EMSY: variants seen among roughly 807,000 people sequenced by gnomAD.
EMSY encodes EMSY transcriptional repressor, BRCA2 interacting.
A neutral mutation model predicts 134.6 loss-of-function variants in EMSY; 26 were observed. The ratio of observed to expected loss-of-function variants is 0.19; its 90% confidence interval spans 0.14 to 0.27. The LOEUF (loss-of-function observed/expected upper bound fraction) is 0.27, where lower values mean the gene tolerates loss of function less well. Ranked by LOEUF, EMSY falls within the 10% of genes least tolerant of loss-of-function variation. The probability of loss-of-function intolerance (pLI) is 1.00; values close to 1 mark genes in which losing one functional copy is unlikely to be tolerated. For missense variants in EMSY, 1,305 were observed against 1,611.4 expected, an observed-to-expected ratio of 0.81 and a Z score of 3.26; for synonymous variants, 579 against 577.8, an observed-to-expected ratio of 1.00 and a Z score of -0.03.
intron 8 of EMSY, among the ~76,000 whole-genome samples, chr11:76,494,035 C>T (rs750461071): frequency 2.0e-5 from 3 of 152,266 alleles, no homozygotes; most frequent in South Asian, 4.1e-4. Flanking sequence ...CGTTCAGATG[C>T]GGATGCCCGC....
At chr11:76,455,021 G>A (rs1009434713) in intron 4 of EMSY, among the ~76,000 whole-genome samples, 2 of 152,050 alleles carry the variant, frequency 1.3e-5, no homozygotes, top group African/African-American at 2.4e-5. Context: ...ATTTTAATTA[G>A]TCATTTTACT....
In EMSY at chr11:76,445,646, C is replaced by G. The variant is rs1018377601; in HGVS notation, c.-40+518C>G. On this transcript the variant is annotated intron_variant, in intron 1 of 20. Transcript: ENST00000334736. ...ACAAGATCCTGGTTCCCCGAGCGGG[C>G]TCCGGAAACTACTGCCCGGGTTTCC... Among the ~76,000 whole-genome samples the G allele has an allele frequency of 7.4e-4, 113 of 152,286 alleles. 1 individual carries two copies. The highest frequency in any genetic ancestry group is 2.6e-3 in the African/African-American group (109 of 41,562).
intron 10 of EMSY, among the ~76,000 whole-genome samples, chr11:76,514,089 A>G (rs1950367601): frequency 6.6e-6 from 1 of 152,188 alleles, no homozygotes; most frequent in Non-Finnish European, 1.5e-5. Context: ...CATTTTGGAT[A>G]GTAACACTAT....
chr11:76,453,779 AC>A (rs1947762538), intron 4 of EMSY: 2 of 153,332 alleles, frequency 1.3e-5, no homozygotes, highest in Admixed American at 1.3e-4. Flanking sequence ...AGGCGTTGTA[AC>A]TTTTTTGATA....
intron 14 of EMSY, among the ~76,000 whole-genome samples, chr11:76,530,155 GT>G (rs61227279): frequency 1.0e-3 from 116 of 114,340 alleles, no homozygotes; most frequent in South Asian, 2.3e-3. Flanking sequence ...AATCTTTAGG[GT>G]TTTTTTTTTT....
chr11:76,453,213 G>A, intron 3 of EMSY, 101 bp from the exon 4 acceptor site: 1 of 972,338 alleles, frequency 1.0e-6, no homozygotes, highest in Non-Finnish European at 1.6e-6. Context: ...AAGCAATCTT[G>A]TCCCCCTTCT....
chr11:76,486,497 A>T (rs1949189032), intron 8 of EMSY, among the ~76,000 whole-genome samples: 1 of 152,214 alleles, frequency 6.6e-6, no homozygotes, highest in African/African-American at 2.4e-5. Context: ...GATGCCGTAT[A>T]TGCTGTTGCC....
chr11:76,462,018 C>T (rs1205841544), intron 6 of EMSY, among the ~76,000 whole-genome samples: 4 of 152,072 alleles, frequency 2.6e-5, no homozygotes, highest in East Asian at 1.9e-4. Context: ...GAGCAGATCA[C>T]CTGAGGTCAG....
intron 9 of EMSY, among the ~76,000 whole-genome samples, chr11:76,499,308 G>A (rs1949768248): frequency 1.3e-5 from 1 of 76,766 alleles, no homozygotes; most frequent in Non-Finnish European, 2.3e-5. Flanking sequence ...TTTTTTTTGA[G>A]ATGGAGTCTT....
chr11:76,528,509 A>G (rs1266234445), intron 14 of EMSY, 43 bp downstream of exon 15: 2 of 1,436,550 alleles, frequency 1.4e-6, no homozygotes, highest in Admixed American at 1.9e-5. Flanking sequence ...TACTACTGAC[A>G]TAGTGCCCAA....
At chr11:76,496,263 C>G (rs761544856) in exon 9 of EMSY, 3 of 1,614,170 alleles carry the variant, frequency 1.9e-6, no homozygotes, top group Admixed American at 1.7e-5. Flanking sequence ...CTTCCTTCCC[C>G]CAAAAGCTTA....
At chr11:76,451,772 T>C (rs1947680142) in intron 2 of EMSY, 86 bp from the exon 3 acceptor site, 1 of 683,482 alleles carries the variant, frequency 1.5e-6, no homozygotes, top group Non-Finnish European at 2.2e-6. Flanking sequence ...TTATTTTTAG[T>C]TTTTTTGCCC....
chr11:76,512,760 T>G (rs1466067397), intron 9 of EMSY, among the ~76,000 whole-genome samples: 3 of 151,848 alleles, frequency 2.0e-5, no homozygotes, highest in Admixed American at 2.0e-4. Context: ...CCCTAGCACT[T>G]TAGTTTTATT....
intron 9 of EMSY, among the ~76,000 whole-genome samples, chr11:76,503,179 T>TAATC (rs1298135603): frequency 1.3e-5 from 2 of 150,818 alleles, no homozygotes; most frequent in African/African-American, 4.9e-5. Context: ...TACATGGCTG[T>TAATC]AATCCCAGCT....
intron 8 of EMSY, among the ~76,000 whole-genome samples, chr11:76,476,894 A>G (rs1948788077): frequency 6.6e-6 from 1 of 152,102 alleles, no homozygotes; most frequent in African/African-American, 2.4e-5. Flanking sequence ...TGGTGGATAG[A>G]GCTACAGTTC....
intron 15 of EMSY, 91 bp from the exon 17 acceptor site, chr11:76,537,704 C>A: frequency 8.4e-7 from 1 of 1,193,342 alleles, no homozygotes; most frequent in Non-Finnish European, 1.2e-6. Context: ...TGTGGCACCC[C>A]AGAGGTCTGG....
At chr11:76,542,282 A>C (rs376882857) in exon 18 of EMSY, 3 of 1,614,200 alleles carry the variant, frequency 1.9e-6, no homozygotes, top group Non-Finnish European at 2.5e-6. Flanking sequence ...CATGTGGCTC[A>C]GTCACAGACC....
chr11:76,502,530 T>TA lies in EMSY; in HGVS notation c.1363+6070dup, dbSNP rs199726574. On this transcript the variant is annotated intron_variant, in intron 9 of 20. Coordinates refer to ENST00000334736, the Ensembl canonical transcript of EMSY. The stretch of plus-strand genomic sequence containing the variant: ...CAGATCACATGATCCTTTATATTAT[T>TA]AAAAAAAAACAAAAAACAAAAAAAA... Among the ~76,000 whole-genome samples, 753 of 143,026 alleles carry TA rather than the reference T, an allele frequency of 5.3e-3. 13 individuals are homozygous for TA. The East Asian group carries it at 0.059, about 11-fold the overall frequency. The allele number at this position is 143,026 out of a possible 152,430, so 93.8% of individuals were successfully genotyped here.
rs1161363781 is a variant in EMSY, at chr11:76,544,316, G to A, written c.2767G>A (p.Gly923Ser). The A allele has an allele frequency of 5.6e-6, 9 of 1,613,998 alleles. No individual in the cohort carries two copies. In the Admixed American group the frequency reaches 1.2e-4, roughly 21 times the overall value. The change falls in exon 19 of 21, where the codon GGC (glycine) becomes AGC (serine). Residue 923 changes from glycine (G) to serine (S), a missense_variant. Physicochemically the swap from Gly to Ser is moderately conservative, Grantham distance 56 (BLOSUM62 0). Coordinates refer to ENST00000334736, the Ensembl canonical transcript of EMSY. ...CAGCGAGGAACTTGGAACTGAGGAG[G>A]GCGAGGTTGAAGAGATGGACACTTT...
Sources: allele counts gnomAD v4.1 joint callset (sites outside exome capture counted in the v4.1 genomes callset), GRCh38; gene constraint gnomAD v4.1.1; transcripts MANE v1.5; gene names NCBI Gene and HGNC (gene_info 2026-07-23, HGNC 2026-07-21).